Variants in ICA1L observed in about 807,000 individuals in gnomAD.
The protein encoded by ICA1L is islet cell autoantigen 1-like protein.
ICA1L carries 50 observed loss-of-function variants against 61.3 expected under a neutral mutation model. That is an observed-to-expected ratio of 0.82 (90% CI 0.65 to 1.03). The LOEUF is 1.03. Ranked by LOEUF, ICA1L falls within the 50% of genes least tolerant of loss-of-function variation. The pLI, the probability that ICA1L is intolerant of heterozygous loss-of-function variation, is 0.00. For synonymous variants in ICA1L, 161 were observed against 191.3 expected (o/e 0.84, Z 1.31); for missense variants, 508 against 556.7 (o/e 0.91, Z 0.88).
intron 1 of ICA1L, chr2:202,844,154 T>G (rs1694407257): frequency 1.3e-5 from 2 of 152,326 alleles, no homozygotes; most frequent in East Asian, 3.9e-4. Context: ...AGAATTGGAT[T>G]TGCTGTGTCA....
intron 1 of ICA1L, among the ~76,000 whole-genome samples, chr2:202,833,956 A>ATT (rs1694079743): frequency 6.6e-6 from 1 of 152,144 alleles, no homozygotes; most frequent in Non-Finnish European, 1.5e-5. Flanking sequence ...AGGACACAAA[A>ATT]TTTCAGTTAG....
At position 202,773,454 on chromosome 2, in the gene ICA1L, A is replaced by G; in HGVS notation, c.*6079T>C. ...GAATGGAATAAGAAGTAGTCATCACATGTCAATTAGGGATGTTTATCTCCA... is the reference window on the plus strand; with the variant it reads ...GAATGGAATAAGAAGTAGTCATCACGTGTCAATTAGGGATGTTTATCTCCA... On this transcript the variant is annotated 3_prime_UTR_variant, in exon 13 of 13. Coordinates refer to ENST00000358299, the MANE Select transcript of ICA1L (RefSeq NM_001288622.3). 1 of 228,812 alleles carries G rather than the reference A, an allele frequency of 4.4e-6. No homozygotes were observed. The highest frequency in any genetic ancestry group is 7.8e-5 in the South Asian group (1 of 12,874). The allele number at this position is 228,812 out of a possible 1,614,324, so 14.2% of individuals were successfully genotyped here. A position where few individuals can be genotyped will look rare whatever the true frequency, so the allele number is the denominator to read the frequency against.
At chr2:202,815,603 TTTAAA>T (rs1278908419) in intron 7 of ICA1L, among the ~76,000 whole-genome samples, 55 of 152,042 alleles carry the variant, frequency 3.6e-4, no homozygotes, top group African/African-American at 1.7e-4. Flanking sequence ...CTCCTTTAAT[TTTAAA>T]TTAAATTAAA....
chr2:202,811,626 C>T, intron 9 of ICA1L, 120 bp downstream of exon 9: 1 of 661,374 alleles, frequency 1.5e-6, no homozygotes, highest in South Asian at 2.0e-5. Flanking sequence ...CACGCAACTG[C>T]ACTCCAGCCT....
chr2:202,854,444 G>T (rs1056109523), intron 1 of ICA1L, among the ~76,000 whole-genome samples: 6 of 152,102 alleles, frequency 3.9e-5, no homozygotes, highest in African/African-American at 1.4e-4. Context: ...ATAATAGGGG[G>T]AGACTTTAAC....
At chr2:202,848,551 A>G (rs183015493) in intron 1 of ICA1L, among the ~76,000 whole-genome samples, 1 of 152,324 alleles carries the variant, frequency 6.6e-6, no homozygotes, top group Admixed American at 6.5e-5. Context: ...AGTTAGGTAC[A>G]TCCAGCAAAT....
intron 1 of ICA1L, among the ~76,000 whole-genome samples, chr2:202,846,656 A>T (rs1694471361): frequency 6.6e-6 from 1 of 152,216 alleles, no homozygotes; most frequent in Non-Finnish European, 1.5e-5. Flanking sequence ...AGAGCTACGG[A>T]AGTTAGGAAC....
intron 1 of ICA1L, among the ~76,000 whole-genome samples, chr2:202,854,538 G>A (rs1029881643): frequency 7.2e-5 from 11 of 152,156 alleles, no homozygotes; most frequent in South Asian, 4.1e-4. Context: ...TGGACCAAGC[G>A]GACCTAATAG....
At position 202,773,849 on chromosome 2, in the gene ICA1L, G is replaced by A; in HGVS notation, c.*5684C>T. ...CTGTGCAAGTGCAGCCCTGTGGGAA[G>A]TTTTCTTCTACAGAGGCTGAGTGGA... On this transcript the variant is annotated 3_prime_UTR_variant, in exon 13 of 13. Coordinates refer to ENST00000358299, the MANE Select transcript of ICA1L (RefSeq NM_001288622.3). The A allele has an allele frequency of 1.5e-6, 2 of 1,349,332 alleles. No homozygotes were observed. 83.6% of individuals were successfully genotyped at this position (1,349,332 alleles called of 1,614,324 possible). A position where few individuals can be genotyped will look rare whatever the true frequency, so the allele number is the denominator to read the frequency against.
chr2:202,868,923 G>C (rs764769888), intron 1 of ICA1L, among the ~76,000 whole-genome samples: 2 of 151,818 alleles, frequency 1.3e-5, no homozygotes, highest in Non-Finnish European at 2.9e-5. Context: ...AGCTGAGATC[G>C]CGCCACTGCA....
chr2:202,834,432 C>T (rs1694092719), intron 1 of ICA1L, among the ~76,000 whole-genome samples: 1 of 152,032 alleles, frequency 6.6e-6, no homozygotes, highest in African/African-American at 2.4e-5. Context: ...AGTTCAAGAC[C>T]AGCGTGGGCA....
intron 9 of ICA1L, among the ~76,000 whole-genome samples, chr2:202,803,640 A>G (rs777572197): frequency 9.9e-5 from 15 of 151,962 alleles, no homozygotes; most frequent in Admixed American, 4.6e-4. Flanking sequence ...CACTCAACTG[A>G]TCGTTCCTCC....
intron 1 of ICA1L, chr2:202,829,268 T>C (rs1457611876): frequency 1.4e-5 from 3 of 213,646 alleles, no homozygotes; most frequent in African/African-American, 2.3e-5. Context: ...GAGAATGGCG[T>C]GAACCCGGGA....
chr2:202,784,909 A>G (rs4675292), intron 12 of ICA1L, among the ~76,000 whole-genome samples: 128,242 of 152,086 alleles, frequency 0.84, 54,265 homozygotes, highest in Middle Eastern at 0.9. Context: ...TAATATTACC[A>G]AACTGTACTC....
Position 202,862,687 on chromosome 2 carries a change from A to G in ICA1L, c.-8+8932T>C, listed in dbSNP as rs1412076222. ...CCCCGTCTCTACTAAAAATACAAAA[A>G]TTAGCTGGGCATGGTGGCAGGTGCC... On this transcript the variant is annotated intron_variant, in intron 1 of 12. Coordinates refer to ENST00000358299, the MANE Select transcript of ICA1L (RefSeq NM_001288622.3). 2.6e-5 allele frequency among the ~76,000 whole-genome samples: 4 copies of G among 151,852 alleles called. No homozygotes were observed. In the East Asian group the frequency reaches 5.8e-4, roughly 22 times the overall value.
At chr2:202,821,106 TAAAAG>T (rs1025519421) in intron 4 of ICA1L, among the ~76,000 whole-genome samples, 2 of 152,124 alleles carry the variant, frequency 1.3e-5, no homozygotes, top group African/African-American at 4.8e-5. Context: ...TTAGGGGAAA[TAAAAG>T]AAATATAAAT....
rs1314939953 is a variant in ICA1L, at chr2:202,816,953, T to C, written c.684+465A>G. Among the ~76,000 whole-genome samples, 11 of 152,300 alleles carry C rather than the reference T, an allele frequency of 7.2e-5. No homozygotes were observed. In the East Asian group the frequency reaches 2.1e-3, roughly 29 times the overall value. ...ATGAAAAGAACATATAACTTAGAAA[T>C]AGAAAACTTTGGTTTCTAAGCCAAC... On this transcript the variant is annotated intron_variant, in intron 6 of 12. Transcript: ENST00000358299.
Position 202,777,014 on chromosome 2 carries a change from A to G in ICA1L, c.*2519T>C, listed in dbSNP as rs1692244130. ...AGCAAGGTGACCACTACAAAGAAAA[A>G]TGGTACAAACTCTCAAGACATAAAG... On this transcript the variant is annotated 3_prime_UTR_variant, in exon 13 of 13. Transcript: ENST00000358299. 3 of 148,640 alleles carry G rather than the reference A, an allele frequency of 2.0e-5. No individual in the cohort carries two copies. The South Asian group carries it at 6.4e-4, about 31-fold the overall frequency. 9.2% of individuals were successfully genotyped at this position (148,640 alleles called of 1,614,324 possible).
rs1341062083 is a variant in ICA1L at position 202,849,132 on chromosome 2, C to T, written c.-7-20116G>A. Among the ~76,000 whole-genome samples the T allele has an allele frequency of 1.1e-4, 16 of 152,314 alleles. No homozygotes were observed. ...TCTCACAGTTTTTGCAATCCGCAGA[C>T]CAGAAGATTCCCACATGTGCCTATA... On this transcript the variant is annotated intron_variant, in intron 1 of 12. Coordinates refer to ENST00000358299, the MANE Select transcript of ICA1L (RefSeq NM_001288622.3). The surrounding 1 kb of genome is among the most constrained non-coding windows in gnomAD (Gnocchi z 4.5).
Sources: gnomAD v4.1 joint callset for allele counts (sites outside exome capture counted in the v4.1 genomes callset) on GRCh38, gnomAD v4.1.1 for gene constraint, Gnocchi (gnomAD v3.1) non-coding constraint, MANE v1.5 for transcripts, NCBI Gene and HGNC (gene_info 2026-07-23, HGNC 2026-07-21) for gene names.